STAB2: variants seen among roughly 807,000 people sequenced by gnomAD.
The protein encoded by STAB2 is stabilin-2.
A neutral mutation model predicts 338.1 loss-of-function variants in STAB2; 288 were observed. That is an observed-to-expected ratio of 0.85 (90% CI 0.77 to 0.94). The LOEUF is 0.94. Ranked by LOEUF, STAB2 falls within the 40% of genes least tolerant of loss-of-function variation. STAB2 has a pLI of 0.00. For synonymous variants in STAB2, 1,202 were observed against 1,193.3 expected, an observed-to-expected ratio of 1.01 and a Z score of -0.15; for missense variants, 3,141 against 3,210.1, an observed-to-expected ratio of 0.98 and a Z score of 0.52.
At chr12:103,743,283 A>G (rs1882740300) in intron 56 of STAB2, among the ~76,000 whole-genome samples, 1 of 151,938 alleles carries the variant, frequency 6.6e-6, no homozygotes, top group Non-Finnish European at 1.5e-5. Flanking sequence ...CAGCCTCCCA[A>G]CAGTGCTGGG....
Position 103,731,644 on chromosome 12 carries a change from T to G in STAB2, c.5283+9T>G. 1 of 1,610,682 alleles carries G rather than the reference T, an allele frequency of 6.2e-7. No individual in the cohort carries two copies. Among genetic ancestry groups the G allele is most frequent in the Non-Finnish European group, 8.5e-7 (1 of 1,178,944 alleles). ...TTAGCAACTTAATACAGGTAAAAAT[T>G]TAGGGGAAGTTGACTCAGAGGATAA... On this transcript the variant is annotated intron_variant, in intron 50 of 68. Transcript: ENST00000388887.
intron 3 of STAB2, among the ~76,000 whole-genome samples, chr12:103,607,085 C>T (rs1186703685): frequency 6.6e-6 from 1 of 152,160 alleles, no homozygotes; most frequent in Non-Finnish European, 1.5e-5. Context: ...CCTTTGGCTG[C>T]TTTTAATTTA....
chr12:103,689,543 A>G (rs563118256), intron 28 of STAB2, among the ~76,000 whole-genome samples: 1 of 152,286 alleles, frequency 6.6e-6, no homozygotes, highest in East Asian at 1.9e-4. Context: ...ACATACTCAC[A>G]AGAACCTATT....
At chr12:103,588,805 G>T (rs1956752869) in intron 1 of STAB2, among the ~76,000 whole-genome samples, 1 of 152,090 alleles carries the variant, frequency 6.6e-6, no homozygotes, top group African/African-American at 2.4e-5. Flanking sequence ...AAAATGTGAA[G>T]GTGTCCTGAC....
intron 25 of STAB2, among the ~76,000 whole-genome samples, chr12:103,680,815 A>G (rs935284001): frequency 6.6e-6 from 1 of 152,244 alleles, no homozygotes; most frequent in African/African-American, 2.4e-5. Context: ...TGTAGTTTCC[A>G]GAAAGTGAGA....
chr12:103,718,954 T>G (rs1313490569), intron 44 of STAB2, among the ~76,000 whole-genome samples: 2 of 152,230 alleles, frequency 1.3e-5, no homozygotes, highest in Non-Finnish European at 2.9e-5. Context: ...GTTGACACAC[T>G]TCTTGTCTCC....
intron 34 of STAB2, 120 bp downstream of exon 34, chr12:103,699,347 C>T: frequency 7.8e-7 from 1 of 1,282,406 alleles, no homozygotes; most frequent in African/African-American, 1.5e-5. Context: ...TCAGTTTTCA[C>T]ACTGCTGATA....
intron 58 of STAB2, among the ~76,000 whole-genome samples, chr12:103,746,949 C>CTTTTTTTTTTTTTTTTTTTTTTTTTT: frequency 1.0e-5 from 1 of 96,076 alleles, no homozygotes; most frequent in Non-Finnish European, 2.1e-5. Flanking sequence ...GTTTTTCTTT[C>CTTTTTTTTTTTTTTTTTTTTTTTTTT]TTTTTTTTTT....
chr12:103,690,636 G>A lies in STAB2; in HGVS notation c.3297+98G>A, dbSNP rs987027373. 6.2e-5 allele frequency: 62 copies of A among 1,000,072 alleles called. 1 individual carries two copies. In the Middle Eastern group the frequency reaches 7.0e-4, roughly 11 times the overall value. The allele number at this position is 1,000,072 out of a possible 1,614,324, so 61.9% of individuals were successfully genotyped here. On this transcript the variant is annotated intron_variant, in intron 30 of 68. Coordinates refer to ENST00000388887, the MANE Select transcript of STAB2 (RefSeq NM_017564.10). ...ATGTTATGGGAACTTCCAAACATGC[G>A]CAAAACTACAGAGAACAGAATCCCT...
chr12:103,654,963 T>C, intron 13 of STAB2: 1 of 551,840 alleles, frequency 1.8e-6, no homozygotes, highest in Non-Finnish European at 3.1e-6. Flanking sequence ...ACTCAGTCCA[T>C]GACCAATCAT....
intron 28 of STAB2, 113 bp downstream of exon 28, chr12:103,688,328 GA>G: frequency 1.9e-6 from 2 of 1,046,308 alleles, no homozygotes; most frequent in Non-Finnish European, 3.0e-6. Context: ...CAATTGTGCT[GA>G]GCAGTGTTTC....
At chr12:103,630,889 G>A (rs540392384) in intron 5 of STAB2, among the ~76,000 whole-genome samples, 11 of 152,312 alleles carry the variant, frequency 7.2e-5, no homozygotes, top group African/African-American at 2.2e-4. Flanking sequence ...AATTTGTGTT[G>A]TTTTAAGCCA....
intron 4 of STAB2, among the ~76,000 whole-genome samples, chr12:103,621,759 C>T (rs1957305956): frequency 6.6e-6 from 1 of 152,146 alleles, no homozygotes; most frequent in African/African-American, 2.4e-5. Context: ...TTTTCCTTTC[C>T]CCCTTGGGCA....
At position 103,725,443 on chromosome 12, in the gene STAB2, C is replaced by G. The variant is rs575371537; in HGVS notation, c.4803+349C>G. 2.0e-5 allele frequency among the ~76,000 whole-genome samples: 3 copies of G among 152,342 alleles called. No individual in the cohort carries two copies. The South Asian group carries it at 6.2e-4, about 32-fold the overall frequency. On this transcript the variant is annotated intron_variant, in intron 45 of 68. Transcript: ENST00000388887. ...TAAAAGAAAATAATGGTGGTACAAA[C>G]TGCATCAGGTTGTTAAAATAAGGTA...
rs997071906 is a variant in STAB2 at position 103,699,113 on chromosome 12, G to T, written c.3600G>T (p.Arg1200=). 6 of 1,609,662 alleles carry T rather than the reference G, an allele frequency of 3.7e-6. No homozygotes were observed. Among genetic ancestry groups the T allele is most frequent in the African/African-American group, 1.3e-5 (1 of 74,832 alleles). The change falls in exon 34 of 69, where the codon CGG becomes CGT. Residue 1200 remains arginine, a synonymous_variant. Transcript: ENST00000388887. ...TGATCCAGGAGGAGGACGTCCTCCG[G>T]TATCATGTGGTCCTGGAGGAGAAAC... ...KVLSLEEDVL[R]YHVVLEEKLL...
At chr12:103,613,023 T>C (rs572993750) in intron 3 of STAB2, among the ~76,000 whole-genome samples, 69 of 152,314 alleles carry the variant, frequency 4.5e-4, no homozygotes, top group African/African-American at 1.7e-3. Context: ...ACAGCAAATG[T>C]TGCTGCCTGA....
intron 5 of STAB2, among the ~76,000 whole-genome samples, chr12:103,628,227 T>G (rs1957409598): frequency 1.3e-5 from 2 of 152,256 alleles, no homozygotes; most frequent in Non-Finnish European, 2.9e-5. Flanking sequence ...CTACTTGAGC[T>G]AGTTATCTCC....
chr12:103,594,237 T>C (rs2138538163), intron 2 of STAB2, among the ~76,000 whole-genome samples, 158 bp from the exon 3 acceptor site: 1 of 152,330 alleles, frequency 6.6e-6, no homozygotes, highest in South Asian at 2.1e-4. Context: ...TAATCATAAT[T>C]AAGTTTTATG....
chr12:103,661,190 C>T (rs1281479819), intron 17 of STAB2, among the ~76,000 whole-genome samples: 1 of 114,852 alleles, frequency 8.7e-6, no homozygotes, highest in African/African-American at 3.5e-5. Context: ...TGAAATTGGA[C>T]AGGGATCAGT....
Sources: gnomAD v4.1 joint callset for allele counts (sites outside exome capture counted in the v4.1 genomes callset) on GRCh38, gnomAD v4.1.1 for gene constraint, MANE v1.5 for transcripts, NCBI Gene and HGNC (gene_info 2026-07-23, HGNC 2026-07-21) for gene names.